TBL1XR1: variants seen among roughly 807,000 people sequenced by gnomAD.
TBL1XR1 encodes F-box-like/WD repeat-containing protein TBL1XR1.
TBL1XR1 carries 5 observed loss-of-function variants against 66.9 expected under a neutral mutation model. That is an observed-to-expected ratio of 0.07 (90% CI 0.04 to 0.16). The LOEUF is 0.16. TBL1XR1 is among the 10% of genes least tolerant of loss of function. The pLI is 1.00. For missense variants in TBL1XR1, 238 were observed against 623.2 expected, an observed-to-expected ratio of 0.38 and a Z score of 6.58; for synonymous variants, 210 against 206.0, an observed-to-expected ratio of 1.02 and a Z score of -0.17.
At chr3:177,118,908 A>G (rs1156404640) in intron 1 of TBL1XR1, among the ~76,000 whole-genome samples, 5 of 152,360 alleles carry the variant, frequency 3.3e-5, no homozygotes, top group Admixed American at 3.3e-4. Context: ...TAACTCAAGA[A>G]AAATGGGACC....
intron 1 of TBL1XR1, among the ~76,000 whole-genome samples, chr3:177,146,415 T>C: frequency 6.6e-6 from 1 of 151,184 alleles, no homozygotes; most frequent in Non-Finnish European, 1.5e-5. Context: ...GGCTCCCGAG[T>C]AGCTGGGACT....
At chr3:177,176,142 T>C (rs1426197792) in intron 1 of TBL1XR1, among the ~76,000 whole-genome samples, 1 of 151,708 alleles carries the variant, frequency 6.6e-6, no homozygotes, top group Non-Finnish European at 1.5e-5. Flanking sequence ...AAAAGTAAAA[T>C]AAATAAAAAT....
At chr3:177,184,156 C>G (rs1735144012) in intron 1 of TBL1XR1, among the ~76,000 whole-genome samples, 1 of 152,112 alleles carries the variant, frequency 6.6e-6, no homozygotes, top group Non-Finnish European at 1.5e-5. Flanking sequence ...AACTAAATAG[C>G]CAACAAAAAG....
intron 1 of TBL1XR1, among the ~76,000 whole-genome samples, chr3:177,179,722 CTGT>C (rs533630188): frequency 1.2e-4 from 18 of 152,170 alleles, no homozygotes; most frequent in Non-Finnish European, 2.5e-4. Flanking sequence ...GTTATGGTTC[CTGT>C]CATTACCAGT....
intron 2 of TBL1XR1, among the ~76,000 whole-genome samples, chr3:177,088,377 A>G (rs1722416642): frequency 6.6e-6 from 1 of 152,208 alleles, no homozygotes; most frequent in African/African-American, 2.4e-5. Context: ...GGCTATATAT[A>G]TATAAGGAGT....
chr3:177,140,893 T>C (rs1464269936), intron 1 of TBL1XR1, among the ~76,000 whole-genome samples: 3 of 152,208 alleles, frequency 2.0e-5, no homozygotes, highest in Non-Finnish European at 4.4e-5. Context: ...ATGAGATTTT[T>C]TTGCGATTTT....
At chr3:177,120,311 G>C (rs569053878) in intron 1 of TBL1XR1, among the ~76,000 whole-genome samples, 5 of 151,840 alleles carry the variant, frequency 3.3e-5, no homozygotes, top group Non-Finnish European at 1.5e-5. Context: ...TTACTACTCT[G>C]TCTTACCAGG....
In TBL1XR1 at chr3:177,172,186, G is replaced by A. The variant is rs748636754; in HGVS notation, c.-122+24935C>T. Reference sequence around the variant, plus strand: ...TGAAGCAGGAAAATCACTTGAACCCGGGAGGCAGAGGCTGCAGTGAGCCAA... The same window carrying A: ...TGAAGCAGGAAAATCACTTGAACCCAGGAGGCAGAGGCTGCAGTGAGCCAA... On this transcript the variant is annotated intron_variant, in intron 1 of 15. Transcript: ENST00000457928. Among the ~76,000 whole-genome samples the A allele has an allele frequency of 1.3e-4, 19 of 150,382 alleles. 1 individual carries two copies. The highest frequency in any genetic ancestry group is 2.1e-4 in the Non-Finnish European group (14 of 67,846).
At chr3:177,041,989 G>C (rs1715649520) in intron 10 of TBL1XR1, among the ~76,000 whole-genome samples, 1 of 152,010 alleles carries the variant, frequency 6.6e-6, no homozygotes, top group African/African-American at 2.4e-5. Flanking sequence ...TAGTCTCTTG[G>C]TTACCTCCTA....
At position 177,147,268 on chromosome 3, in the gene TBL1XR1, C is replaced by T. The variant is rs141748165; in HGVS notation, c.-121-48727G>A. ...CTCCCTATGTTGCCCAGGCTGGTCT[C>T]AAACTCCTGTGCTCAAGCAATTCTC... On this transcript the variant is annotated intron_variant, in intron 1 of 15. Transcript: ENST00000457928. Among the ~76,000 whole-genome samples, 347 of 152,174 alleles carry T rather than the reference C, an allele frequency of 2.3e-3. 2 individuals are homozygous for T. Among genetic ancestry groups the T allele is most frequent in the Non-Finnish European group, 4.1e-3 (280 of 67,986 alleles).
At chr3:177,149,113 C>T (rs1222681609) in intron 1 of TBL1XR1, among the ~76,000 whole-genome samples, 9 of 152,166 alleles carry the variant, frequency 5.9e-5, no homozygotes, top group African/African-American at 2.2e-4. Flanking sequence ...AGACGGCAGA[C>T]ATATTTGGCT....
chr3:177,026,594 A>T, intron 14 of TBL1XR1, 120 bp from the exon 15 acceptor site: 2 of 671,302 alleles, frequency 3.0e-6, no homozygotes, highest in Non-Finnish European at 4.7e-6. Context: ...CTTAGCTTCA[A>T]CTATAAAAAT....
upstream of TBL1XR1, among the ~76,000 whole-genome samples, chr3:177,198,043 G>T (rs1228638796): frequency 6.6e-6 from 1 of 151,928 alleles, no homozygotes; most frequent in Admixed American, 6.6e-5. Context: ...CACACGCGGC[G>T]GGCATGTGGG....
In TBL1XR1 at chr3:177,021,397, TTA is replaced by T. The variant is rs1265130064; in HGVS notation, c.*4099_*4100del. 3.9e-5 allele frequency: 6 copies of T among 152,338 alleles called. No homozygotes were observed. In the South Asian group the frequency reaches 1.2e-3, roughly 32 times the overall value. 9.4% of individuals were successfully genotyped at this position (152,338 alleles called of 1,614,324 possible). A position where few individuals can be genotyped will look rare whatever the true frequency, so the allele number is the denominator to read the frequency against. ...AAAAAAAAAAAAATATATGCCCTAG[TTA>T]TTCACCCTGCTTCAACACTGTCAAC... On this transcript the variant is annotated 3_prime_UTR_variant, in exon 16 of 16. Coordinates refer to ENST00000457928, the MANE Select transcript of TBL1XR1 (RefSeq NM_024665.7).
At chr3:177,113,538 A>C (rs1462212574) in intron 1 of TBL1XR1, among the ~76,000 whole-genome samples, 1 of 152,188 alleles carries the variant, frequency 6.6e-6, no homozygotes, top group East Asian at 1.9e-4. Flanking sequence ...AATATTTAAA[A>C]TCGGCAAAAT....
chr3:177,050,702 A>C (rs1716946797), intron 5 of TBL1XR1, 92 bp from the exon 6 acceptor site: 4 of 1,402,046 alleles, frequency 2.9e-6, no homozygotes, highest in South Asian at 2.5e-5. Context: ...ACCTTCCTTT[A>C]TCGCACACAG....
At chr3:177,134,951 G>GTC in intron 1 of TBL1XR1, among the ~76,000 whole-genome samples, 1 of 129,208 alleles carries the variant, frequency 7.7e-6, no homozygotes, top group Admixed American at 8.3e-5. Flanking sequence ...AAGGCTGTGT[G>GTC]TGTGTGTGTG....
intron 1 of TBL1XR1, among the ~76,000 whole-genome samples, chr3:177,143,640 A>T (rs1298203448): frequency 2.0e-5 from 3 of 152,226 alleles, no homozygotes; most frequent in Non-Finnish European, 4.4e-5. Context: ...TATTTATCTC[A>T]TTAAATTATT....
chr3:177,078,502 T>C (rs1021123915), intron 2 of TBL1XR1: 1 of 149,514 alleles, frequency 6.7e-6, no homozygotes, highest in Non-Finnish European at 1.5e-5. Context: ...GGAGGATCAC[T>C]TGGGCCCAGG....
Sources: allele counts gnomAD v4.1 joint callset (sites outside exome capture counted in the v4.1 genomes callset), GRCh38; gene constraint gnomAD v4.1.1; transcripts MANE v1.5; gene names NCBI Gene and HGNC (gene_info 2026-07-23, HGNC 2026-07-21).